Variants in ARB2A observed in about 807,000 individuals in gnomAD.
The protein encoded by ARB2A is cotranscriptional regulator ARB2A.
At chr5:94,059,745 TA>T in the ARB2A span, among the ~76,000 whole-genome samples, 119 of 138,738 alleles carry the variant, frequency 8.6e-4, no homozygotes, top group Admixed American at 7.2e-4. Flanking sequence ...ATTTTTCAAC[TA>T]AAAAAAAAAA....
At chr5:94,090,086 T>C in the ARB2A span, among the ~76,000 whole-genome samples, 21 of 152,196 alleles carry the variant, frequency 1.4e-4, no homozygotes, top group Non-Finnish European at 2.1e-4. Context: ...AGATATTCAA[T>C]TGAATAAGGA....
the ARB2A span, among the ~76,000 whole-genome samples, chr5:93,868,446 A>G: frequency 2.0e-5 from 3 of 152,348 alleles, no homozygotes; most frequent in Admixed American, 2.0e-4. Flanking sequence ...TCCATTGATA[A>G]AGCCACAGTG....
chr5:94,070,634 A>C, the ARB2A span, among the ~76,000 whole-genome samples: 1 of 152,096 alleles, frequency 6.6e-6, no homozygotes, highest in African/African-American at 2.4e-5. Flanking sequence ...CAATAAAACA[A>C]AGAGAATGAA....
At chr5:93,734,153 T>G in the ARB2A span, 2 of 152,162 alleles carry the variant, frequency 1.3e-5, no homozygotes, top group Non-Finnish European at 2.9e-5. Flanking sequence ...AAAGAGAAAT[T>G]GTTCCTTATG....
the ARB2A span, among the ~76,000 whole-genome samples, chr5:93,621,821 C>T: frequency 6.6e-6 from 1 of 152,082 alleles, no homozygotes; most frequent in East Asian, 1.9e-4. Context: ...TGGCGGGCGA[C>T]ATTTTTACAG....
chr5:93,809,878 A>T, the ARB2A span, among the ~76,000 whole-genome samples: 1 of 152,076 alleles, frequency 6.6e-6, no homozygotes, highest in Admixed American at 6.6e-5. Context: ...TTAAATCATT[A>T]TATTTTCTCC....
the ARB2A span, among the ~76,000 whole-genome samples, chr5:93,930,662 T>A: frequency 1.3e-5 from 2 of 152,156 alleles, no homozygotes; most frequent in Non-Finnish European, 2.9e-5. Context: ...AGCCTTTCAA[T>A]TGAAGCACAA....
chr5:93,752,561 T>A, the ARB2A span, among the ~76,000 whole-genome samples: 1 of 152,254 alleles, frequency 6.6e-6, no homozygotes, highest in East Asian at 1.9e-4. Context: ...TGGCTATTTT[T>A]AATTTTTTTT....
chr5:93,789,414 T>C, the ARB2A span, among the ~76,000 whole-genome samples: 1 of 152,180 alleles, frequency 6.6e-6, no homozygotes, highest in Non-Finnish European at 1.5e-5. Flanking sequence ...ATAAATAGAT[T>C]AGCTCCCTCT....
chr5:93,784,293 T>G, the ARB2A span: 1 of 763,392 alleles, frequency 1.3e-6, no homozygotes, highest in East Asian at 2.6e-5. Context: ...AAAGGGAGTT[T>G]GAGGATGGGA....
the ARB2A span, among the ~76,000 whole-genome samples, chr5:93,628,110 G>A: frequency 3.0e-5 from 4 of 133,952 alleles, no homozygotes; most frequent in Non-Finnish European, 1.5e-5. Context: ...ACCCAGGCTG[G>A]TGTGATCTTG....
At chr5:93,821,857 C>T in the ARB2A span, among the ~76,000 whole-genome samples, 1 of 151,930 alleles carries the variant, frequency 6.6e-6, no homozygotes, top group African/African-American at 2.4e-5. Context: ...TTGCCACCAT[C>T]CGTATGCTTC....
At chr5:93,900,707 C>A in the ARB2A span, among the ~76,000 whole-genome samples, 3 of 150,992 alleles carry the variant, frequency 2.0e-5, no homozygotes, top group South Asian at 6.3e-4. Flanking sequence ...TAACTTTAAG[C>A]ATTTTTTTCA....
the ARB2A span, among the ~76,000 whole-genome samples, chr5:93,793,239 A>ATTTTTT: frequency 4.8e-3 from 308 of 64,762 alleles, 19 homozygotes; most frequent in Admixed American, 7.8e-3. Flanking sequence ...CTTCTGGCTA[A>ATTTTTT]TTTTTTTTTT....
the ARB2A span, among the ~76,000 whole-genome samples, chr5:93,952,386 A>G: frequency 6.6e-6 from 1 of 152,110 alleles, no homozygotes. Context: ...TTTGTCTGGG[A>G]AAGTTGTTAT....
chr5:93,825,381 C>T, the ARB2A span, among the ~76,000 whole-genome samples: 8 of 152,090 alleles, frequency 5.3e-5, no homozygotes, highest in Non-Finnish European at 7.4e-5. Context: ...ATGTTCTGTC[C>T]GTTCTTCAAA....
the ARB2A span, among the ~76,000 whole-genome samples, chr5:94,041,087 T>C: frequency 6.6e-6 from 1 of 151,852 alleles, no homozygotes; most frequent in Non-Finnish European, 1.5e-5. Context: ...CCTCTCTGTC[T>C]CTCTCGGTCT....
the ARB2A span, among the ~76,000 whole-genome samples, chr5:93,782,590 T>C: frequency 1.3e-5 from 2 of 152,176 alleles, no homozygotes; most frequent in Admixed American, 1.3e-4. Flanking sequence ...ACAGTTTATG[T>C]GTTTTATATT....
At chr5:93,928,840 T>A in the ARB2A span, among the ~76,000 whole-genome samples, 1 of 152,094 alleles carries the variant, frequency 6.6e-6, no homozygotes, top group Non-Finnish European at 1.5e-5. Flanking sequence ...AAACTGTTGA[T>A]GGGCTATATG....
Sources: allele counts gnomAD v4.1 joint callset (sites outside exome capture counted in the v4.1 genomes callset), GRCh38; gene constraint gnomAD v4.1.1; transcripts MANE v1.5; gene names NCBI Gene and HGNC (gene_info 2026-07-23, HGNC 2026-07-21).